Variants in MYCBP2 observed in about 807,000 individuals in gnomAD.
MYCBP2 encodes the protein E3 ubiquitin-protein ligase MYCBP2.
A neutral mutation model predicts 525.3 loss-of-function variants in MYCBP2; 120 were observed. The ratio of observed to expected loss-of-function variants is 0.23; its 90% CI spans 0.20 to 0.27. The LOEUF (loss-of-function observed/expected upper bound fraction) is 0.27, where lower values mean the gene tolerates loss of function less well. Ranked by LOEUF, MYCBP2 falls within the 10% of genes least tolerant of loss-of-function variation. The pLI, the probability that MYCBP2 is intolerant of heterozygous loss-of-function variation, is 1.00. For synonymous variants in MYCBP2, 1,894 were observed against 1,955.8 expected, an observed-to-expected ratio of 0.97 and a Z score of 0.83; for missense variants, 4,149 against 5,657.1, an observed-to-expected ratio of 0.73 and a Z score of 8.55.
At chr13:77,201,961 C>A (rs1447210261) in intron 26 of MYCBP2, among the ~76,000 whole-genome samples, 4 of 152,030 alleles carry the variant, frequency 2.6e-5, no homozygotes, top group Non-Finnish European at 4.4e-5. Context: ...AAAATTGACA[C>A]CCTAACATCA....
intron 1 of MYCBP2, among the ~76,000 whole-genome samples, chr13:77,313,019 A>G (rs1484439392): frequency 1.3e-5 from 2 of 152,094 alleles, no homozygotes; most frequent in Non-Finnish European, 2.9e-5. Flanking sequence ...CCTGGGCAAT[A>G]AAACAAATCT....
Position 77,326,598 on chromosome 13 carries a change from A to C in MYCBP2, c.178T>G (p.Ser60Ala). The stretch of plus-strand genomic sequence containing the variant: ...AGCAGCAGCTGGTAGTGACCCCGGG[A>C]GTCCGCGGCGGGTAGCCCCAGCCCC... ...GLGLGLPAAD[S>A]RGHYQLLLSG... The change falls in exon 1 of 83, where the codon TCC (serine) becomes GCC (alanine). Residue 60 changes from serine (S) to alanine (A), a missense_variant. Around this residue, in one of 21 missense-constraint regions of MYCBP2, gnomAD observed 413 missense variants for 451.2 expected, o/e 0.92. Transcript: ENST00000544440. The surrounding 1 kb of genome is among the most constrained non-coding windows in gnomAD (Gnocchi z 4.2). 1 of 1,587,282 alleles carries C rather than the reference A, an allele frequency of 6.3e-7. No homozygotes were observed. Among genetic ancestry groups the C allele is most frequent in the South Asian group, 1.1e-5 (1 of 88,954 alleles).
At chr13:77,228,484 G>T (rs2066632301) in intron 18 of MYCBP2, among the ~76,000 whole-genome samples, 1 of 150,160 alleles carries the variant, frequency 6.7e-6, no homozygotes, top group Admixed American at 6.6e-5. Flanking sequence ...TCCAGCCTAG[G>T]TGATAGAGTG....
chr13:77,102,340 G>A (rs144652087), intron 55 of MYCBP2, among the ~76,000 whole-genome samples: 112 of 151,434 alleles, frequency 7.4e-4, no homozygotes, highest in African/African-American at 2.7e-3. Context: ...ACTGTCAATT[G>A]TATAATGAGA....
At chr13:77,293,474 A>G (rs2077707231) in intron 2 of MYCBP2, among the ~76,000 whole-genome samples, 1 of 152,226 alleles carries the variant, frequency 6.6e-6, no homozygotes. Flanking sequence ...TGCAACAAAT[A>G]TACAAGGGAG....
intron 74 of MYCBP2, 142 bp from the exon 75 acceptor site, chr13:77,061,932 A>T (rs758788277): frequency 3.1e-5 from 27 of 860,170 alleles, no homozygotes; most frequent in Non-Finnish European, 4.3e-5. Flanking sequence ...AAACAGAATT[A>T]TTGCAAATGT....
intron 46 of MYCBP2, among the ~76,000 whole-genome samples, chr13:77,154,344 G>T (rs1332753157): frequency 6.6e-6 from 1 of 150,786 alleles, no homozygotes; most frequent in African/African-American, 2.4e-5. Flanking sequence ...ATATATGGAG[G>T]AGAAAGAAGA....
At chr13:77,143,384 G>T (rs950027149) in intron 49 of MYCBP2, among the ~76,000 whole-genome samples, 1 of 152,066 alleles carries the variant, frequency 6.6e-6, no homozygotes, top group Non-Finnish European at 1.5e-5. Flanking sequence ...TCTATTTTTT[G>T]GAGCTTGGAT....
intron 21 of MYCBP2, among the ~76,000 whole-genome samples, chr13:77,215,965 C>T (rs898750677): frequency 7.9e-5 from 12 of 152,170 alleles, no homozygotes; most frequent in African/African-American, 1.2e-4. Context: ...GCAATGAACA[C>T]TTCTAGTGCC....
intron 58 of MYCBP2, among the ~76,000 whole-genome samples, chr13:77,094,124 T>C (rs893664699): frequency 2.6e-5 from 4 of 152,164 alleles, no homozygotes; most frequent in African/African-American, 7.2e-5. Flanking sequence ...TTTATTGTAA[T>C]AGTAAGCACA....
intron 55 of MYCBP2, among the ~76,000 whole-genome samples, chr13:77,116,953 A>G (rs1400558926): frequency 6.6e-6 from 1 of 152,066 alleles, no homozygotes; most frequent in African/African-American, 2.4e-5. Flanking sequence ...GCTATGACAC[A>G]GGCAATTTTT....
Position 77,217,976 on chromosome 13 carries a change from A to T in MYCBP2, c.2940-19T>A, listed in dbSNP as rs1336066080. ...ACATCCCCTAGGTTAAAAAAAAAAA[A>T]AGTAAGTCAATTTCTTACAAAACTC... On this transcript the variant is annotated intron_variant, in intron 20 of 82. Coordinates refer to ENST00000544440, the MANE Select transcript of MYCBP2 (RefSeq NM_015057.5). 1 of 1,446,618 alleles carries T rather than the reference A, an allele frequency of 6.9e-7. No homozygotes were observed. The highest frequency in any genetic ancestry group is 1.2e-5 in the South Asian group (1 of 80,580). The allele number at this position is 1,446,618 out of a possible 1,614,324, so 89.6% of individuals were successfully genotyped here. A position where few individuals can be genotyped will look rare whatever the true frequency, so the allele number is the denominator to read the frequency against.
chr13:77,092,816 G>C (rs1005144426), intron 59 of MYCBP2, among the ~76,000 whole-genome samples: 1 of 152,116 alleles, frequency 6.6e-6, no homozygotes, highest in African/African-American at 2.4e-5. Context: ...CCTAAGTTAG[G>C]AGGCACTGTA....
intron 36 of MYCBP2, among the ~76,000 whole-genome samples, chr13:77,174,832 C>T (rs1195208607): frequency 7.2e-6 from 1 of 138,526 alleles, no homozygotes; most frequent in Non-Finnish European, 1.5e-5. Context: ...AGTGATGGAA[C>T]TAGGTCTGAA....
chr13:77,288,324 T>C lies in MYCBP2; in HGVS notation c.431A>G (p.Asn144Ser), dbSNP rs767374729. ...ACAGTAAATATTGAAAGCAGAAGGA[T>C]TGCTATGTAGTTTGATATCTGGTAT... is the stretch of plus-strand genomic sequence containing the variant. ...VIIPDIKLHS[N>S]PSAFNIYCNV... is the part of the protein sequence containing the mutation. The change falls in exon 3 of 83, where the codon AAT becomes AGT. Residue 144 changes from asparagine to serine, a missense_variant. Around this residue, in one of 21 missense-constraint regions of MYCBP2, gnomAD observed 413 missense variants for 451.2 expected, o/e 0.92. Transcript: ENST00000544440. 2 of 1,614,188 alleles carry C rather than the reference T, an allele frequency of 1.2e-6. No homozygotes were observed. The highest frequency in any genetic ancestry group is 1.1e-5 in the South Asian group (1 of 91,082).
At chr13:77,273,185 GCA>G (rs967028744) in intron 5 of MYCBP2, among the ~76,000 whole-genome samples, 33 of 152,102 alleles carry the variant, frequency 2.2e-4, no homozygotes, top group Non-Finnish European at 4.3e-4. Context: ...AAGGGAGAAC[GCA>G]GACAGCAAGA....
intron 1 of MYCBP2, among the ~76,000 whole-genome samples, chr13:77,315,195 G>A (rs2154378706): frequency 6.6e-6 from 1 of 152,306 alleles, no homozygotes; most frequent in South Asian, 2.1e-4. Context: ...GGTGCCACTG[G>A]TGAATTCTGT....
chr13:77,099,945 T>C (rs2046817839), intron 55 of MYCBP2: 1 of 152,156 alleles, frequency 6.6e-6, no homozygotes, highest in African/African-American at 2.4e-5. Flanking sequence ...CCAGGCTGTC[T>C]GTGACCCAAG....
chr13:77,271,071 A>G (rs568263432), intron 5 of MYCBP2, among the ~76,000 whole-genome samples: 1 of 152,020 alleles, frequency 6.6e-6, no homozygotes, highest in South Asian at 2.1e-4. Context: ...ACTACTTTTT[A>G]TATTCTCACT....
Sources: gnomAD v4.1 joint callset for allele counts (sites outside exome capture counted in the v4.1 genomes callset) on GRCh38, gnomAD v4.1.1 for gene constraint, gnomAD v4.1.1 regional missense constraint, Gnocchi (gnomAD v3.1) non-coding constraint, MANE v1.5 for transcripts, NCBI Gene and HGNC (gene_info 2026-07-23, HGNC 2026-07-21) for gene names.